Variants in CREB3L2 observed in about 807,000 individuals in gnomAD.
The protein encoded by CREB3L2 is cAMP responsive element binding protein 3 like 2, also known as cyclic AMP-responsive element-binding protein 3-like protein 2.
Under a neutral mutation model 57.2 loss-of-function variants are expected in CREB3L2, and 23 were observed. The ratio of observed to expected loss-of-function variants is 0.40; its 90% CI spans 0.29 to 0.57. The LOEUF (loss-of-function observed/expected upper bound fraction) is 0.57, where lower values mean the gene tolerates loss of function less well. Among genes scored for constraint, CREB3L2 ranks in the 20% least tolerant of loss-of-function variants. The pLI, the probability that CREB3L2 is intolerant of heterozygous loss-of-function variation, is 0.42. For missense variants in CREB3L2, 628 were observed against 634.7 expected (o/e 0.99, Z 0.11); for synonymous variants, 268 against 265.1 (o/e 1.01, Z -0.11).
At chr7:137,916,649 C>T (rs554710007) in intron 2 of CREB3L2, among the ~76,000 whole-genome samples, 97 of 151,196 alleles carry the variant, frequency 6.4e-4, no homozygotes, top group South Asian at 2.1e-3. Flanking sequence ...ACCAGGAAGT[C>T]GAGGCTTCAG....
chr7:137,880,444 T>A lies in CREB3L2; in HGVS notation c.*32A>T. ...TGGTTTGGGGATGTAAAAGTAGAGT[T>A]AAGGGAAAGGGAGGGGGTGCAGGCA... is the stretch of plus-strand genomic sequence containing the variant. On this transcript the variant is annotated 3_prime_UTR_variant, in exon 12 of 12. Coordinates refer to ENST00000330387, the MANE Select transcript of CREB3L2 (RefSeq NM_194071.4). This position sits in a 1 kb window ranked among gnomAD's most constrained non-coding sequence, Gnocchi z 4.0. The A allele has an allele frequency of 2.5e-6, 4 of 1,571,612 alleles. No homozygotes were observed. Among genetic ancestry groups the A allele is most frequent in the Non-Finnish European group, 2.6e-6 (3 of 1,143,610 alleles).
intron 1 of CREB3L2, among the ~76,000 whole-genome samples, chr7:137,977,683 G>A (rs1376104892): frequency 6.6e-6 from 1 of 152,194 alleles, no homozygotes; most frequent in Non-Finnish European, 1.5e-5. Flanking sequence ...CACTTTGGGA[G>A]GCTGAGGTGG....
At chr7:137,933,521 C>T (rs1800706688) in intron 1 of CREB3L2, among the ~76,000 whole-genome samples, 1 of 152,236 alleles carries the variant, frequency 6.6e-6, no homozygotes, top group Non-Finnish European at 1.5e-5. Context: ...TCCCTGAACT[C>T]CCCCTACTTT....
At chr7:137,922,680 G>A (rs930102989) in intron 2 of CREB3L2, 53 of 446,332 alleles carry the variant, frequency 1.2e-4, no homozygotes, top group African/African-American at 5.4e-4. Flanking sequence ...TCAAATAAAC[G>A]TGGATTGAAA....
At chr7:137,935,955 C>A (rs1800772814) in intron 1 of CREB3L2, 1 of 980,638 alleles carries the variant, frequency 1.0e-6, no homozygotes, top group Non-Finnish European at 1.2e-6. Flanking sequence ...GGTTTATGAT[C>A]TGGGCCACTT....
intron 1 of CREB3L2, among the ~76,000 whole-genome samples, chr7:137,952,679 CAGTA>C (rs1213072365): frequency 4.6e-5 from 7 of 152,314 alleles, no homozygotes; most frequent in African/African-American, 9.6e-5. Flanking sequence ...AGGAAGTGCT[CAGTA>C]AGTATTTGCT....
At chr7:137,904,112 C>T (rs1429815010) in intron 6 of CREB3L2, 95 bp from the exon 7 acceptor site, 7 of 1,007,856 alleles carry the variant, frequency 6.9e-6, no homozygotes, top group African/African-American at 1.6e-5. Context: ...TCACCAAAGC[C>T]CTGCTTACTT....
At position 137,876,177 on chromosome 7, in the gene CREB3L2, C is replaced by G; in HGVS notation, c.*4299G>C. ...TCACTTTTAGGAAACCACTTTTGAG[C>G]CTTCAGAAAAAAATTTTTCCCCACA... On this transcript the variant is annotated 3_prime_UTR_variant, in exon 12 of 12. Coordinates refer to ENST00000330387, the MANE Select transcript of CREB3L2 (RefSeq NM_194071.4). 1 of 232,482 alleles carries G rather than the reference C, an allele frequency of 4.3e-6. No homozygotes were observed. Among genetic ancestry groups the G allele is most frequent in the Non-Finnish European group, 8.5e-6 (1 of 117,460 alleles). 14.4% of individuals were successfully genotyped at this position (232,482 alleles called of 1,614,324 possible).
intron 1 of CREB3L2, among the ~76,000 whole-genome samples, chr7:137,952,755 T>C (rs1185837458): frequency 6.6e-6 from 1 of 152,202 alleles, no homozygotes; most frequent in African/African-American, 2.4e-5. Flanking sequence ...AATCCAGATA[T>C]AATCACTTAT....
At chr7:137,899,559 C>G (rs1360936556) in intron 8 of CREB3L2, among the ~76,000 whole-genome samples, 1 of 98 alleles carries the variant, frequency 0.01, no homozygotes, top group Admixed American at 0.17. Flanking sequence ...GGCAATCCCC[C>G]CAGGGAGAGG....
chr7:137,885,269 G>A lies in CREB3L2; in HGVS notation c.1143+134C>T, dbSNP rs1014945941. On this transcript the variant is annotated intron_variant, in intron 9 of 11. Transcript: ENST00000330387. The stretch of plus-strand genomic sequence containing the variant: ...TCACATCACCAGAGTGCCTCACCGA[G>A]GAACAGCCTCAGAGTGGAGTTCCTC... 6 of 1,184,894 alleles carry A rather than the reference G, an allele frequency of 5.1e-6. No individual in the cohort carries two copies. In the African/African-American group the frequency reaches 9.2e-5, roughly 18 times the overall value. The allele number at this position is 1,184,894 out of a possible 1,614,324, so 73.4% of individuals were successfully genotyped here. A position where few individuals can be genotyped will look rare whatever the true frequency, so the allele number is the denominator to read the frequency against.
At position 137,877,402 on chromosome 7, in the gene CREB3L2, G is replaced by A. The variant is rs1303828822; in HGVS notation, c.*3074C>T. On this transcript the variant is annotated 3_prime_UTR_variant, in exon 12 of 12. Coordinates refer to ENST00000330387, the MANE Select transcript of CREB3L2 (RefSeq NM_194071.4). ...TTTATATAACACTCTCTTTATGTGA[G>A]CTAGACTCCAGAGTCCTCACACTTC... 4.4e-6 allele frequency: 1 copy of A among 227,122 alleles called. No homozygotes were observed. Among genetic ancestry groups the A allele is most frequent in the Non-Finnish European group, 8.7e-6 (1 of 114,340 alleles). The allele number at this position is 227,122 out of a possible 1,614,324, so 14.1% of individuals were successfully genotyped here. A position where few individuals can be genotyped will look rare whatever the true frequency, so the allele number is the denominator to read the frequency against.
intron 7 of CREB3L2, among the ~76,000 whole-genome samples, chr7:137,903,749 CCTA>C (rs1418913231): frequency 6.6e-6 from 1 of 152,216 alleles, no homozygotes; most frequent in African/African-American, 2.4e-5. Context: ...GATTCAAACA[CCTA>C]CTAAGGTACT....
chr7:137,977,083 T>C (rs1186954969), intron 1 of CREB3L2, among the ~76,000 whole-genome samples: 2 of 152,282 alleles, frequency 1.3e-5, no homozygotes, highest in Non-Finnish European at 1.5e-5. Flanking sequence ...AGACACCCCC[T>C]GAGCTTCCAC....
At chr7:137,991,566 G>A (rs1801896565) in intron 1 of CREB3L2, among the ~76,000 whole-genome samples, 1 of 152,142 alleles carries the variant, frequency 6.6e-6, no homozygotes, top group South Asian at 2.1e-4. Flanking sequence ...AATTTACAAA[G>A]TGATCACCAA....
At position 138,001,737 on chromosome 7, in the gene CREB3L2, T is replaced by C; in HGVS notation, c.-32A>G. ...GCGGGCCGCGCTGGGCCGAGGATGCTAAGCGCAGGAGGGGACGCGCAGAGC... is the reference window on the plus strand; with the variant it reads ...GCGGGCCGCGCTGGGCCGAGGATGCCAAGCGCAGGAGGGGACGCGCAGAGC... On this transcript the variant is annotated 5_prime_UTR_variant, in exon 1 of 12. Transcript: ENST00000330387. This position sits in a 1 kb window ranked among gnomAD's most constrained non-coding sequence, Gnocchi z 4.2. The C allele has an allele frequency of 6.5e-7, 1 of 1,543,964 alleles. No homozygotes were observed. The highest frequency in any genetic ancestry group is 8.8e-7 in the Non-Finnish European group (1 of 1,136,850).
In CREB3L2 at chr7:137,908,316, G is replaced by C; in HGVS notation, c.704C>G (p.Pro235Arg). The part of the protein sequence containing the change: ...HPFSLPQTHS[P>R]SRAAPRAPSA... ...GGGGGCCCGGGGTGCAGCTCTGGAG[G>C]GGCTGTGGGTCTGAGGCAGGCTGAA... Residue 235 changes from proline (P) to arginine (R), a missense_variant, in exon 5 of 12, where the codon CCC (proline) becomes CGC (arginine). Pro to Arg is a moderately radical substitution (Grantham distance 103). Around this residue, in one of 3 missense-constraint regions of CREB3L2, gnomAD observed 339 missense variants for 355.4 expected, o/e 0.95. Coordinates refer to ENST00000330387, the MANE Select transcript of CREB3L2 (RefSeq NM_194071.4). The C allele has an allele frequency of 8.0e-7, 1 of 1,257,628 alleles. No individual in the cohort carries two copies. The highest frequency in any genetic ancestry group is 1.0e-6 in the Non-Finnish European group (1 of 992,202). The allele number at this position is 1,257,628 out of a possible 1,614,324, so 77.9% of individuals were successfully genotyped here.
At chr7:137,964,929 T>C (rs1022691806) in intron 1 of CREB3L2, among the ~76,000 whole-genome samples, 3 of 152,130 alleles carry the variant, frequency 2.0e-5, no homozygotes, top group Non-Finnish European at 4.4e-5. Context: ...CTCAATTATC[T>C]CGTCTGCCAC....
chr7:137,918,413 A>G (rs1800196032), intron 2 of CREB3L2, among the ~76,000 whole-genome samples: 3 of 151,580 alleles, frequency 2.0e-5, no homozygotes, highest in African/African-American at 7.3e-5. Context: ...CTGGTCTTGA[A>G]CTCCTGACCT....
Sources: gnomAD v4.1 joint callset for allele counts (sites outside exome capture counted in the v4.1 genomes callset) on GRCh38, gnomAD v4.1.1 for gene constraint, gnomAD v4.1.1 regional missense constraint, Gnocchi (gnomAD v3.1) non-coding constraint, MANE v1.5 for transcripts, NCBI Gene and HGNC (gene_info 2026-07-23, HGNC 2026-07-21) for gene names.